The following TNFAIP8 variants were observed in gnomAD, a reference collection of about 807,000 sequenced individuals.
TNFAIP8 encodes the protein TNF alpha induced protein 8.
TNFAIP8 carries 7 observed loss-of-function variants against 13.3 expected under a neutral mutation model. The ratio of observed to expected loss-of-function variants is 0.52; its 90% CI spans 0.30 to 0.99. The LOEUF is 0.99. Ranked by LOEUF, TNFAIP8 falls within the 50% of genes least tolerant of loss-of-function variation. TNFAIP8 has a pLI of 0.07. For missense variants in TNFAIP8, 258 were observed against 236.9 expected, an observed-to-expected ratio of 1.09 and a Z score of -0.58; for synonymous variants, 94 against 87.6, an observed-to-expected ratio of 1.07 and a Z score of -0.41.
At chr5:119,294,201 C>CT (rs1561986774) in intron 1 of TNFAIP8, among the ~76,000 whole-genome samples, 56 of 147,984 alleles carry the variant, frequency 3.8e-4, no homozygotes, top group African/African-American at 1.4e-3. Flanking sequence ...CCCCCCTCCC[C>CT]CCAACCCACA....
At chr5:119,297,697 A>C (rs1319986480) in intron 1 of TNFAIP8, among the ~76,000 whole-genome samples, 1 of 152,094 alleles carries the variant, frequency 6.6e-6, no homozygotes, top group South Asian at 2.1e-4. Flanking sequence ...TCTAATGTTG[A>C]CAGTTGGGTG....
chr5:119,293,364 A>G (rs1296106831), intron 1 of TNFAIP8, among the ~76,000 whole-genome samples: 2 of 151,984 alleles, frequency 1.3e-5, no homozygotes, highest in African/African-American at 4.8e-5. Context: ...CCATCCCCCA[A>G]CCTTCAACCT....
intron 1 of TNFAIP8, chr5:119,316,075 T>A (rs866665480): frequency 1.3e-5 from 2 of 152,108 alleles, no homozygotes; most frequent in South Asian, 4.1e-4. Flanking sequence ...TGAAATAAAT[T>A]TTTATGCACT....
intron 1 of TNFAIP8, chr5:119,268,985 G>C: frequency 1.6e-6 from 1 of 637,716 alleles, no homozygotes; most frequent in Non-Finnish European, 2.8e-6. Context: ...GGCTGCTCTC[G>C]GGGAGCGCCT....
intron 1 of TNFAIP8, among the ~76,000 whole-genome samples, chr5:119,379,063 T>C (rs781454571): frequency 3.9e-5 from 6 of 152,226 alleles, no homozygotes; most frequent in Admixed American, 6.5e-5. Flanking sequence ...ACATTGTCTT[T>C]TAAAAATAAA....
rs1166632914 is a variant in TNFAIP8, at chr5:119,393,513, G to T, written c.*132G>T. The T allele has an allele frequency of 1.1e-6, 1 of 948,968 alleles. No homozygotes were observed. The highest frequency in any genetic ancestry group is 1.5e-6 in the Non-Finnish European group (1 of 651,742). The allele number at this position is 948,968 out of a possible 1,614,324, so 58.8% of individuals were successfully genotyped here. On this transcript the variant is annotated 3_prime_UTR_variant, in exon 2 of 2. Transcript: ENST00000504771. The stretch of plus-strand genomic sequence containing the variant: ...AAGACTTTACCCAATTCAGTTGTCA[G>T]ACATAATGATTTATTTGAAGGCTTG...
chr5:119,376,840 A>G (rs921446796), intron 1 of TNFAIP8, among the ~76,000 whole-genome samples: 8 of 151,994 alleles, frequency 5.3e-5, no homozygotes, highest in African/African-American at 1.9e-4. Context: ...GACTTCACCA[A>G]CTCAAGACAG....
At chr5:119,303,080 C>G (rs887806910) in intron 1 of TNFAIP8, among the ~76,000 whole-genome samples, 5 of 152,116 alleles carry the variant, frequency 3.3e-5, no homozygotes, top group Admixed American at 2.6e-4. Context: ...TGCCTAGTGC[C>G]CTGAAAAAAC....
At chr5:119,277,784 C>T (rs1748504348) in intron 1 of TNFAIP8, among the ~76,000 whole-genome samples, 1 of 152,130 alleles carries the variant, frequency 6.6e-6, no homozygotes, top group African/African-American at 2.4e-5. Flanking sequence ...TCAGGGCACC[C>T]ACAGATTCAG....
upstream of TNFAIP8, chr5:119,355,389 A>G (rs1481317316): frequency 1.1e-5 from 8 of 702,258 alleles, no homozygotes; most frequent in African/African-American, 8.7e-5. Context: ...TTTGCTGTGC[A>G]AAGGTAAGGG....
At chr5:119,364,833 T>C (rs1468568497) in intron 1 of TNFAIP8, among the ~76,000 whole-genome samples, 1 of 149,634 alleles carries the variant, frequency 6.7e-6, no homozygotes, top group Middle Eastern at 3.2e-3. Flanking sequence ...TCCCCTTTTT[T>C]CTTTTCAGTT....
chr5:119,300,642 T>G (rs1413488098), intron 1 of TNFAIP8, among the ~76,000 whole-genome samples: 2 of 152,338 alleles, frequency 1.3e-5, no homozygotes, highest in East Asian at 3.9e-4. Context: ...GGTAGTTTTT[T>G]GTTCCCGTTT....
intron 1 of TNFAIP8, chr5:119,306,691 G>A (rs1749577513): frequency 6.6e-6 from 1 of 152,214 alleles, no homozygotes; most frequent in South Asian, 2.1e-4. Context: ...TTTCCTAGGA[G>A]TGATTTTCCC....
Position 119,321,127 on chromosome 5 carries a change from G to A in TNFAIP8, c.1+52220G>A, listed in dbSNP as rs1750041569. On this transcript the variant is annotated intron_variant, in intron 1 of 1. Coordinates refer to the TNFAIP8 transcript ENST00000274456. Reference sequence around the variant, plus strand: ...AGCTACTCAGGAGGCTGAGGCAGGAGAATGGTGTGCACCCGGGAGGCGGAG... The same window carrying A: ...AGCTACTCAGGAGGCTGAGGCAGGAAAATGGTGTGCACCCGGGAGGCGGAG... 3.3e-5 allele frequency among the ~76,000 whole-genome samples: 5 copies of A among 152,168 alleles called. No individual in the cohort carries two copies. In the South Asian group the frequency reaches 1.0e-3, roughly 31 times the overall value.
chr5:119,352,986 C>G (rs890767034), upstream of TNFAIP8, among the ~76,000 whole-genome samples: 16 of 152,154 alleles, frequency 1.1e-4, no homozygotes, highest in African/African-American at 3.1e-4. Flanking sequence ...TTTCATTCTT[C>G]CATCTTGACA....
At chr5:119,290,581 G>A (rs1331796462) in intron 1 of TNFAIP8, among the ~76,000 whole-genome samples, 3 of 152,188 alleles carry the variant, frequency 2.0e-5, no homozygotes, top group African/African-American at 7.2e-5. Flanking sequence ...CTCCATTGCT[G>A]TTGGTGTGTG....
At chr5:119,287,978 G>A (rs1748855971) in intron 1 of TNFAIP8, among the ~76,000 whole-genome samples, 1 of 152,112 alleles carries the variant, frequency 6.6e-6, no homozygotes, top group Non-Finnish European at 1.5e-5. Flanking sequence ...TGAGTAATTG[G>A]CCCATAAGCT....
intron 1 of TNFAIP8, among the ~76,000 whole-genome samples, chr5:119,307,255 T>C (rs557998073): frequency 1.3e-5 from 2 of 152,242 alleles, no homozygotes; most frequent in Non-Finnish European, 2.9e-5. Context: ...GGTTTAAGAA[T>C]TCGCTTATTG....
At chr5:119,298,995 G>A (rs1749272957) in intron 1 of TNFAIP8, among the ~76,000 whole-genome samples, 1 of 152,100 alleles carries the variant, frequency 6.6e-6, no homozygotes, top group Non-Finnish European at 1.5e-5. Flanking sequence ...GGTTATTCTA[G>A]TTATACATTC....
Sources: allele counts gnomAD v4.1 joint callset (sites outside exome capture counted in the v4.1 genomes callset), GRCh38; gene constraint gnomAD v4.1.1; transcripts MANE v1.5; gene names NCBI Gene and HGNC (gene_info 2026-07-23, HGNC 2026-07-21).